OSBP2: variants seen among roughly 807,000 people sequenced by gnomAD.
The protein encoded by OSBP2 is oxysterol-binding protein 2.
Under a neutral mutation model 96.0 loss-of-function variants are expected in OSBP2, and 66 were observed. That is an observed-to-expected ratio of 0.69 (90% CI 0.56 to 0.84). OSBP2 has a LOEUF of 0.84. OSBP2 is among the 40% of genes least tolerant of loss of function. OSBP2 has a pLI of 0.00. For missense variants in OSBP2, 1,038 were observed against 1,222.7 expected (o/e 0.85, Z 2.25); for synonymous variants, 525 against 520.9 (o/e 1.01, Z -0.11).
At chr22:30,725,522 A>C (rs186045706) in intron 1 of OSBP2, among the ~76,000 whole-genome samples, 1 of 137,050 alleles carries the variant, frequency 7.3e-6, no homozygotes. Context: ...CCCTCCACCA[A>C]AAAACAAAAA....
intron 2 of OSBP2, among the ~76,000 whole-genome samples, chr22:30,790,514 T>G (rs553162186): frequency 9.2e-5 from 14 of 152,212 alleles, no homozygotes; most frequent in East Asian, 1.9e-4. Context: ...AGAGATTGTG[T>G]GTGTGCGCAC....
At chr22:30,866,736 C>CA (rs1388383329) in intron 2 of OSBP2, among the ~76,000 whole-genome samples, 2 of 135,990 alleles carry the variant, frequency 1.5e-5, no homozygotes, top group South Asian at 4.5e-4. Flanking sequence ...GACTCTGTCT[C>CA]AAAAAACAGG....
intron 1 of OSBP2, among the ~76,000 whole-genome samples, chr22:30,706,298 C>T (rs1427278459): frequency 6.6e-6 from 1 of 151,852 alleles, no homozygotes; most frequent in Non-Finnish European, 1.5e-5. Context: ...GTGCTGTACA[C>T]TTTTTTTCTT....
intron 1 of OSBP2, among the ~76,000 whole-genome samples, chr22:30,714,356 A>G (rs1441007099): frequency 6.6e-6 from 1 of 151,970 alleles, no homozygotes; most frequent in Non-Finnish European, 1.5e-5. Flanking sequence ...GAATAGTTCT[A>G]CAATAAATAT....
intron 2 of OSBP2, among the ~76,000 whole-genome samples, chr22:30,791,012 C>G (rs1026808048): frequency 1.3e-5 from 2 of 152,066 alleles, no homozygotes; most frequent in Non-Finnish European, 2.9e-5. Flanking sequence ...GAGTTTCTCT[C>G]TTGTTTTGTC....
At chr22:30,723,649 A>C (rs1273246366) in intron 1 of OSBP2, among the ~76,000 whole-genome samples, 1 of 150,990 alleles carries the variant, frequency 6.6e-6, no homozygotes, top group Non-Finnish European at 1.5e-5. Flanking sequence ...CCTGACCTTA[A>C]GTGATCCACC....
At chr22:30,875,841 C>G (rs2039567027) in intron 3 of OSBP2, among the ~76,000 whole-genome samples, 1 of 152,270 alleles carries the variant, frequency 6.6e-6, no homozygotes, top group Admixed American at 6.5e-5. Flanking sequence ...GACATCAGAC[C>G]TTAGCAGCTG....
chr22:30,764,268 GGCA>G, intron 2 of OSBP2: 1 of 985,584 alleles, frequency 1.0e-6, no homozygotes, highest in South Asian at 4.7e-5. Context: ...AACTAGAGCA[GGCA>G]GTAGAGTGGG....
chr22:30,736,144 C>T (rs1217802711), intron 1 of OSBP2, among the ~76,000 whole-genome samples: 1 of 152,062 alleles, frequency 6.6e-6, no homozygotes, highest in African/African-American at 2.4e-5. Flanking sequence ...GAACTCCTGA[C>T]CTCAAGAGAT....
In OSBP2 at chr22:30,870,343, A is replaced by G; in HGVS notation, c.854-86A>G. ...TGATGTTTTTTGAATGGCGCTATCCACCCTGCCCTGCTCGGCCTGGCTGTG... is the reference window on the plus strand; with the variant it reads ...TGATGTTTTTTGAATGGCGCTATCCGCCCTGCCCTGCTCGGCCTGGCTGTG... On this transcript the variant is annotated intron_variant, in intron 2 of 13. Coordinates refer to ENST00000332585, the MANE Select transcript of OSBP2 (RefSeq NM_030758.4). This position sits in a 1 kb window ranked among gnomAD's most constrained non-coding sequence, Gnocchi z 4.1. 1 of 1,410,472 alleles carries G rather than the reference A, an allele frequency of 7.1e-7. No individual in the cohort carries two copies. 87.4% of individuals were successfully genotyped at this position (1,410,472 alleles called of 1,614,324 possible).
At chr22:30,747,032 A>G (rs955254723) in intron 2 of OSBP2, among the ~76,000 whole-genome samples, 1 of 152,182 alleles carries the variant, frequency 6.6e-6, no homozygotes, top group Non-Finnish European at 1.5e-5. Context: ...AAAACAAACA[A>G]TGTAGTACAT....
chr22:30,906,165 C>T, intron 13 of OSBP2, 32 bp from the exon 14 acceptor site: 1 of 1,613,496 alleles, frequency 6.2e-7, no homozygotes, highest in Non-Finnish European at 8.5e-7. Context: ...GGCCACAAGC[C>T]CACCCACCAG....
intron 2 of OSBP2, among the ~76,000 whole-genome samples, chr22:30,825,966 G>A (rs931761089): frequency 3.3e-5 from 5 of 152,142 alleles, no homozygotes; most frequent in African/African-American, 7.2e-5. Context: ...CATCAGGGGC[G>A]GACATACCAG....
chr22:30,786,146 C>T (rs758199074), intron 2 of OSBP2, among the ~76,000 whole-genome samples: 4 of 152,112 alleles, frequency 2.6e-5, no homozygotes, highest in Non-Finnish European at 4.4e-5. Context: ...GTCTCAACCT[C>T]GAGTAGCTGG....
Position 30,906,590 on chromosome 22 carries a change from A to T in OSBP2, c.*251A>T. The T allele has an allele frequency of 2.7e-6, 1 of 372,056 alleles. No individual in the cohort carries two copies. The highest frequency in any genetic ancestry group is 4.4e-5 in the Admixed American group (1 of 22,536). The allele number at this position is 372,056 out of a possible 1,614,324, so 23.0% of individuals were successfully genotyped here. A position where few individuals can be genotyped will look rare whatever the true frequency, so the allele number is the denominator to read the frequency against. ...CCCCTTCATTATGGACCTGGGCCCTACCGGAACCCCTGCCCCAGTTACCAC... is the reference window on the plus strand; with the variant it reads ...CCCCTTCATTATGGACCTGGGCCCTTCCGGAACCCCTGCCCCAGTTACCAC... On this transcript the variant is annotated 3_prime_UTR_variant, in exon 14 of 14. Coordinates refer to ENST00000332585, the MANE Select transcript of OSBP2 (RefSeq NM_030758.4).
chr22:30,707,088 C>T (rs2089266251), intron 1 of OSBP2, among the ~76,000 whole-genome samples: 1 of 152,072 alleles, frequency 6.6e-6, no homozygotes, highest in Non-Finnish European at 1.5e-5. Context: ...TTGAAAGACT[C>T]TCAAACTTCA....
intron 1 of OSBP2, among the ~76,000 whole-genome samples, chr22:30,723,060 A>G (rs1381348390): frequency 2.0e-5 from 3 of 152,104 alleles, no homozygotes; most frequent in Non-Finnish European, 4.4e-5. Flanking sequence ...TGTTGCTGGG[A>G]TTACAGGCAT....
intron 1 of OSBP2, among the ~76,000 whole-genome samples, chr22:30,717,063 A>T: frequency 7.0e-6 from 1 of 143,844 alleles, no homozygotes; most frequent in Admixed American, 6.9e-5. Flanking sequence ...AGGCATTTAA[A>T]TCTATTTTGT....
chr22:30,819,878 G>A lies in OSBP2; in HGVS notation c.854-50551G>A, dbSNP rs1299302894. Among the ~76,000 whole-genome samples, 4 of 152,202 alleles carry A rather than the reference G, an allele frequency of 2.6e-5. No individual in the cohort carries two copies. In the East Asian group the frequency reaches 5.8e-4, roughly 22 times the overall value. ...GACACCAGGGTTCACCAGCAGTGAGGGTGGCATGTGGCACTCAGCTCCTCT... is the reference window on the plus strand; with the variant it reads ...GACACCAGGGTTCACCAGCAGTGAGAGTGGCATGTGGCACTCAGCTCCTCT... On this transcript the variant is annotated intron_variant, in intron 2 of 13. Coordinates refer to ENST00000332585, the MANE Select transcript of OSBP2 (RefSeq NM_030758.4).
Sources: gnomAD v4.1 joint callset for allele counts (sites outside exome capture counted in the v4.1 genomes callset) on GRCh38, gnomAD v4.1.1 for gene constraint, Gnocchi (gnomAD v3.1) non-coding constraint, MANE v1.5 for transcripts, NCBI Gene and HGNC (gene_info 2026-07-23, HGNC 2026-07-21) for gene names.